Variants in CNTNAP2 observed in about 807,000 individuals in gnomAD.
The protein encoded by CNTNAP2 is contactin associated protein 2.
CNTNAP2 carries 98 observed loss-of-function variants against 155.2 expected under a neutral mutation model. The ratio of observed to expected loss-of-function variants is 0.63; its 90% CI spans 0.54 to 0.75. The LOEUF (loss-of-function observed/expected upper bound fraction) is 0.75, where lower values mean the gene tolerates loss of function less well. Ranked by LOEUF, CNTNAP2 falls within the 30% of genes least tolerant of loss-of-function variation. CNTNAP2 has a pLI of 0.00. For missense variants in CNTNAP2, 1,727 were observed against 1,688.1 expected, an observed-to-expected ratio of 1.02 and a Z score of -0.40; for synonymous variants, 651 against 631.2, an observed-to-expected ratio of 1.03 and a Z score of -0.47.
intron 1 of CNTNAP2, among the ~76,000 whole-genome samples, chr7:146,379,581 T>G (rs1196085543): frequency 6.6e-6 from 1 of 152,194 alleles, no homozygotes; most frequent in Non-Finnish European, 1.5e-5. Flanking sequence ...CTACTCATGT[T>G]AAGTTGCTAT....
At chr7:146,515,019 A>G (rs1253994160) in intron 1 of CNTNAP2, among the ~76,000 whole-genome samples, 1 of 152,048 alleles carries the variant, frequency 6.6e-6, no homozygotes, top group Non-Finnish European at 1.5e-5. Flanking sequence ...CAAATGGAAT[A>G]TCCCAGCTAT....
At chr7:147,013,525 T>C (rs1798664013) in intron 3 of CNTNAP2, among the ~76,000 whole-genome samples, 1 of 152,112 alleles carries the variant, frequency 6.6e-6, no homozygotes, top group Non-Finnish European at 1.5e-5. Flanking sequence ...TGTTCTTCCA[T>C]CTAAAATTAT....
At position 148,260,967 on chromosome 7, in the gene CNTNAP2, G is replaced by A. The variant is rs576265474; in HGVS notation, c.3382-6066G>A. On this transcript the variant is annotated intron_variant, in intron 20 of 23. Transcript: ENST00000361727. ...ACTATATGGAGATACTAAAGACAAG[G>A]GTTATTTTAACAAGAGCTTTTTAAC... 1.3e-4 allele frequency among the ~76,000 whole-genome samples: 20 copies of A among 152,274 alleles called. No individual in the cohort carries two copies. In the South Asian group the frequency reaches 3.7e-3, roughly 28 times the overall value.
At chr7:147,318,146 A>G (rs1007379515) in intron 9 of CNTNAP2, among the ~76,000 whole-genome samples, 3 of 152,160 alleles carry the variant, frequency 2.0e-5, no homozygotes, top group Non-Finnish European at 2.9e-5. Context: ...ATTTCCATAT[A>G]AAAATGTAAA....
intron 11 of CNTNAP2, among the ~76,000 whole-genome samples, chr7:147,547,521 C>T (rs2116757682): frequency 6.6e-6 from 1 of 152,276 alleles, no homozygotes; most frequent in Non-Finnish European, 1.5e-5. Context: ...AGATAAGCTA[C>T]CTTTGCCAGA....
chr7:146,264,029 A>G (rs539201611), intron 1 of CNTNAP2, among the ~76,000 whole-genome samples: 5 of 152,340 alleles, frequency 3.3e-5, no homozygotes, highest in Admixed American at 2.6e-4. Context: ...CTCCCTAATG[A>G]ATTTATTCTC....
intron 1 of CNTNAP2, among the ~76,000 whole-genome samples, chr7:146,167,818 C>T (rs1798334765): frequency 6.6e-6 from 1 of 152,096 alleles, no homozygotes; most frequent in Non-Finnish European, 1.5e-5. Flanking sequence ...GGTGAAGTCT[C>T]ACAATAGGCC....
At chr7:148,007,954 C>G (rs182963151) in intron 15 of CNTNAP2, among the ~76,000 whole-genome samples, 1 of 152,110 alleles carries the variant, frequency 6.6e-6, no homozygotes, top group African/African-American at 2.4e-5. Context: ...TGTGAATATG[C>G]GACCTTACAT....
chr7:147,108,314 C>T lies in CNTNAP2; in HGVS notation c.718C>T (p.Leu240=), dbSNP rs538043826. The stretch of plus-strand genomic sequence containing the variant: ...GCAAGGAGATTACATTACCTTGGAA[C>T]TGAAAAAAGCCAAGCTGGTCCTCAG... ...GQQGDYITLE[L]KKAKLVLSLN... The change falls in exon 5 of 24, where the codon CTG becomes TTG. Residue 240 remains leucine (L), a synonymous_variant. Transcript: ENST00000361727. 5.2e-5 allele frequency: 84 copies of T among 1,613,446 alleles called. No individual in the cohort carries two copies. The Middle Eastern group carries it at 9.9e-4, about 19-fold the overall frequency.
chr7:147,475,638 A>T (rs532797700), intron 10 of CNTNAP2, among the ~76,000 whole-genome samples: 2 of 149,818 alleles, frequency 1.3e-5, no homozygotes, highest in South Asian at 2.1e-4. Context: ...CTCAAGATTT[A>T]AAAAAAAAAT....
chr7:147,274,051 C>T (rs1410842061), intron 8 of CNTNAP2, among the ~76,000 whole-genome samples: 1 of 151,100 alleles, frequency 6.6e-6, no homozygotes, highest in East Asian at 1.9e-4. Context: ...CAGACACACA[C>T]ACAAACACAG....
intron 3 of CNTNAP2, among the ~76,000 whole-genome samples, chr7:146,897,740 A>T (rs1202333866): frequency 1.3e-5 from 2 of 151,916 alleles, no homozygotes; most frequent in Non-Finnish European, 2.9e-5. Flanking sequence ...ATAGCCTACC[A>T]CCCACTCTGC....
chr7:147,596,126 T>C (rs1006673329), intron 12 of CNTNAP2, among the ~76,000 whole-genome samples: 1 of 152,262 alleles, frequency 6.6e-6, no homozygotes, highest in East Asian at 1.9e-4. Context: ...CCAATCTGAC[T>C]TGTTAAAAAT....
intron 10 of CNTNAP2, among the ~76,000 whole-genome samples, chr7:147,483,782 CCACCTGCTCTGGATGTAAA>C (rs1470028747): frequency 2.0e-5 from 3 of 152,118 alleles, no homozygotes; most frequent in Non-Finnish European, 4.4e-5. Context: ...ATATGCAGAA[CCACCTGCTCTGGATGTAAA>C]CACCTTCTGC....
At chr7:146,494,343 AT>A (rs1227475083) in intron 1 of CNTNAP2, among the ~76,000 whole-genome samples, 16 of 150,898 alleles carry the variant, frequency 1.1e-4, no homozygotes, top group African/African-American at 2.2e-4. Flanking sequence ...CTCAAAAAAA[AT>A]AAATAAATAA....
intron 1 of CNTNAP2, among the ~76,000 whole-genome samples, chr7:146,174,836 C>T (rs1445386123): frequency 6.6e-6 from 1 of 152,076 alleles, no homozygotes; most frequent in African/African-American, 2.4e-5. Context: ...GAGCGAGACT[C>T]ATCTCAAACA....
intron 13 of CNTNAP2, among the ~76,000 whole-genome samples, chr7:147,814,963 T>C (rs950270020): frequency 1.4e-4 from 21 of 152,272 alleles, no homozygotes; most frequent in Admixed American, 9.8e-4. Context: ...AACAAAATAA[T>C]ATAGCTGAAA....
chr7:146,160,721 A>G (rs1798207728), intron 1 of CNTNAP2, among the ~76,000 whole-genome samples: 2 of 152,182 alleles, frequency 1.3e-5, no homozygotes, highest in Non-Finnish European at 2.9e-5. Flanking sequence ...TAGCCTACCA[A>G]CCAAAAAAAG....
At chr7:146,583,710 C>T (rs567481264) in intron 1 of CNTNAP2, among the ~76,000 whole-genome samples, 93 of 152,258 alleles carry the variant, frequency 6.1e-4, no homozygotes, top group African/African-American at 2.2e-3. Context: ...AAGTGTAATG[C>T]AATTTATATA....
Sources: allele counts gnomAD v4.1 joint callset (sites outside exome capture counted in the v4.1 genomes callset), GRCh38; gene constraint gnomAD v4.1.1; transcripts MANE v1.5; gene names NCBI Gene and HGNC (gene_info 2026-07-23, HGNC 2026-07-21).